CTNNA2: variants seen among roughly 807,000 people sequenced by gnomAD.
CTNNA2 encodes catenin alpha 2.
CTNNA2 carries 42 observed loss-of-function variants against 101.0 expected under a neutral mutation model. The ratio of observed to expected loss-of-function variants is 0.42; its 90% confidence interval spans 0.32 to 0.54. The LOEUF (loss-of-function observed/expected upper bound fraction) is 0.54, where lower values mean the gene tolerates loss of function less well. CTNNA2 is among the 20% of genes least tolerant of loss of function. The pLI, the probability that CTNNA2 is intolerant of heterozygous loss-of-function variation, is 0.14. For synonymous variants in CTNNA2, 450 were observed against 456.4 expected (o/e 0.99, Z 0.18); for missense variants, 871 against 1,223.1 (o/e 0.71, Z 4.29).
chr2:79,486,892 A>C (rs1671163915), intron 4 of CTNNA2, among the ~76,000 whole-genome samples: 1 of 152,234 alleles, frequency 6.6e-6, no homozygotes, highest in South Asian at 2.1e-4. Context: ...AAATAGGCGA[A>C]ATATTTTTAA....
At chr2:79,844,917 C>T (rs967264668) in intron 3 of CTNNA2, among the ~76,000 whole-genome samples, 1 of 150,600 alleles carries the variant, frequency 6.6e-6, no homozygotes, top group Admixed American at 6.7e-5. Context: ...TGACTGATCT[C>T]TGCCATCTCT....
intron 7 of CTNNA2, among the ~76,000 whole-genome samples, chr2:80,166,475 G>A (rs1704703189): frequency 6.6e-6 from 1 of 152,086 alleles, no homozygotes; most frequent in African/African-American, 2.4e-5. Context: ...TTGGGAGGAT[G>A]GTGTGTTTGG....
chr2:80,254,905 C>G (rs1387571148), intron 7 of CTNNA2, among the ~76,000 whole-genome samples: 1 of 152,032 alleles, frequency 6.6e-6, no homozygotes, highest in East Asian at 1.9e-4. Flanking sequence ...GAGACAGAAC[C>G]TGGGTACTGG....
chr2:79,819,655 G>T (rs1360369748), intron 3 of CTNNA2, among the ~76,000 whole-genome samples: 1 of 152,086 alleles, frequency 6.6e-6, no homozygotes, highest in Non-Finnish European at 1.5e-5. Context: ...TGGGGAGGGG[G>T]AGATTAAGAA....
chr2:79,285,965 T>C (rs2104356142), intron 2 of CTNNA2, among the ~76,000 whole-genome samples: 1 of 148,728 alleles, frequency 6.7e-6, no homozygotes, highest in Non-Finnish European at 1.5e-5. Context: ...ATATTTAGGA[T>C]AGTTAGCTCT....
chr2:79,950,395 ATTTGC>A (rs1688797724), intron 7 of CTNNA2, among the ~76,000 whole-genome samples: 1 of 152,232 alleles, frequency 6.6e-6, no homozygotes, highest in Admixed American at 6.5e-5. Context: ...TGATTTTCAA[ATTTGC>A]ATCACTTAAA....
At chr2:80,538,882 G>T (rs558091849) in intron 9 of CTNNA2, among the ~76,000 whole-genome samples, 1 of 152,252 alleles carries the variant, frequency 6.6e-6, no homozygotes, top group African/African-American at 2.4e-5. Context: ...CCATTTGTTT[G>T]TGTTCTCTCT....
At chr2:80,617,140 C>T (rs2149799468) in intron 17 of CTNNA2, among the ~76,000 whole-genome samples, 1 of 151,732 alleles carries the variant, frequency 6.6e-6, no homozygotes, top group Middle Eastern at 3.4e-3. Context: ...ACAATTGCAT[C>T]ATTAATCTTA....
At chr2:80,283,008 AG>A (rs1186277532) in intron 7 of CTNNA2, among the ~76,000 whole-genome samples, 1 of 152,180 alleles carries the variant, frequency 6.6e-6, no homozygotes, top group Non-Finnish European at 1.5e-5. Flanking sequence ...TTTCTTTAAA[AG>A]GGAAGCAATC....
At chr2:79,393,829 C>T (rs1476629351) in intron 4 of CTNNA2, among the ~76,000 whole-genome samples, 2 of 152,124 alleles carry the variant, frequency 1.3e-5, no homozygotes, top group Non-Finnish European at 1.5e-5. Flanking sequence ...AAAAGCCTGG[C>T]TCCCTGCAGG....
chr2:79,471,908 T>C (rs1480098825), intron 4 of CTNNA2, among the ~76,000 whole-genome samples: 2 of 152,154 alleles, frequency 1.3e-5, no homozygotes, highest in African/African-American at 4.8e-5. Context: ...AATTTGACCC[T>C]GGCCCCTTAA....
chr2:79,506,279 G>T (rs1322494797), intron 5 of CTNNA2, among the ~76,000 whole-genome samples: 5 of 151,330 alleles, frequency 3.3e-5, no homozygotes, highest in African/African-American at 1.2e-4. Context: ...ACTCCCTAAA[G>T]CTCCTTTGCA....
intron 7 of CTNNA2, among the ~76,000 whole-genome samples, chr2:80,201,417 A>G (rs1269212313): frequency 3.3e-5 from 4 of 120,362 alleles, no homozygotes. Flanking sequence ...TATGTCACCC[A>G]GGCTGGAGTG....
At chr2:80,503,236 AGAAAT>A (rs1444668885) in intron 9 of CTNNA2, among the ~76,000 whole-genome samples, 1 of 152,188 alleles carries the variant, frequency 6.6e-6, no homozygotes, top group Non-Finnish European at 1.5e-5. Context: ...GTTAGGCTTT[AGAAAT>A]CTTTCAATCA....
At chr2:80,543,009 C>T (rs911513700) in intron 9 of CTNNA2, among the ~76,000 whole-genome samples, 8 of 152,096 alleles carry the variant, frequency 5.3e-5, no homozygotes, top group African/African-American at 1.7e-4. Context: ...ATTTGTCTTG[C>T]CAAATTAAGG....
intron 9 of CTNNA2, among the ~76,000 whole-genome samples, chr2:80,503,697 G>T (rs1032778894): frequency 6.6e-6 from 1 of 152,110 alleles, no homozygotes; most frequent in Non-Finnish European, 1.5e-5. Flanking sequence ...TGTGTTTCAA[G>T]CTTGGAATGT....
intron 8 of CTNNA2, among the ~76,000 whole-genome samples, chr2:80,411,094 G>A (rs1679527160): frequency 6.6e-6 from 1 of 152,158 alleles, no homozygotes; most frequent in African/African-American, 2.4e-5. Flanking sequence ...GTCTTTCTGG[G>A]AGAAGTCTCT....
intron 3 of CTNNA2, among the ~76,000 whole-genome samples, chr2:79,747,496 T>C (rs895335258): frequency 2.6e-5 from 4 of 152,244 alleles, no homozygotes; most frequent in African/African-American, 9.6e-5. Context: ...AGTGGTTTGA[T>C]TGGCCCCGGG....
At chr2:79,900,966 A>G (rs900436305) in intron 6 of CTNNA2, among the ~76,000 whole-genome samples, 2 of 151,972 alleles carry the variant, frequency 1.3e-5, no homozygotes, top group Non-Finnish European at 2.9e-5. Flanking sequence ...ATTTAAAAAT[A>G]TAAATTTTTT....
Sources: gnomAD v4.1 joint callset for allele counts (sites outside exome capture counted in the v4.1 genomes callset) on GRCh38, gnomAD v4.1.1 for gene constraint, MANE v1.5 for transcripts, NCBI Gene and HGNC (gene_info 2026-07-23, HGNC 2026-07-21) for gene names.